Variants in ZNF664 observed in about 807,000 individuals in gnomAD.
ZNF664 encodes zinc finger protein 664, also known as zinc finger Organ of Corti 1.
In ZNF664, 10 loss-of-function variants were observed where a neutral mutation model predicts 18.2. That is an observed-to-expected ratio of 0.55 (90% CI 0.34 to 0.93). ZNF664 has a LOEUF of 0.93. ZNF664 is among the 40% of genes least tolerant of loss of function. ZNF664 has a pLI of 0.02. For missense variants in ZNF664, 193 were observed against 319.0 expected (o/e 0.61, Z 3.01); for synonymous variants, 119 against 104.2 (o/e 1.14, Z -0.86).
chr12:124,004,605 G>T (rs1163811502), intron 3 of ZNF664, among the ~76,000 whole-genome samples: 1 of 152,208 alleles, frequency 6.6e-6, no homozygotes, highest in Non-Finnish European at 1.5e-5. Flanking sequence ...GTGGGCCACA[G>T]ATGGGTACCA....
chr12:123,973,352 A>G lies in ZNF664; in HGVS notation c.-892A>G, dbSNP rs1010089264. 1.1e-6 allele frequency: 1 copy of G among 944,942 alleles called. No homozygotes were observed. The highest frequency in any genetic ancestry group is 1.2e-6 in the Non-Finnish European group (1 of 813,044). 58.5% of individuals were successfully genotyped at this position (944,942 alleles called of 1,614,324 possible). A position where few individuals can be genotyped will look rare whatever the true frequency, so the allele number is the denominator to read the frequency against. On this transcript the variant is annotated splice_region_variant and 5_prime_UTR_variant, in exon 1 of 5. Transcript: ENST00000337815. ...TGGGGCGCTGACTCCCCTCACTTGG[A>G]GTGAGTTCTCGGCGGCCGGGCTGCA... is the stretch of plus-strand genomic sequence containing the variant.
chr12:124,005,698 G>A (rs139785487), intron 3 of ZNF664, among the ~76,000 whole-genome samples: 1 of 152,280 alleles, frequency 6.6e-6, no homozygotes, highest in African/African-American at 2.4e-5. Context: ...TACAGCATCT[G>A]CCCTCCATCT....
intron 3 of ZNF664, among the ~76,000 whole-genome samples, chr12:123,992,673 A>G (rs1287051627): frequency 2.6e-5 from 4 of 152,182 alleles, no homozygotes; most frequent in African/African-American, 4.8e-5. Flanking sequence ...ATGACAGCCA[A>G]TGGGGCAGAG....
intron 2 of ZNF664, chr12:123,974,677 A>G (rs1373674196): frequency 6.6e-6 from 1 of 152,114 alleles, no homozygotes. Flanking sequence ...ATCCTTCTAG[A>G]TCTTTTGGAG....
rs1411763240 is a variant in ZNF664 at position 124,013,880 on chromosome 12, G to A, written c.*950G>A. 1 of 167,186 alleles carries A rather than the reference G, an allele frequency of 6.0e-6. No homozygotes were observed. The allele number at this position is 167,186 out of a possible 1,614,324, so 10.4% of individuals were successfully genotyped here. A position where few individuals can be genotyped will look rare whatever the true frequency, so the allele number is the denominator to read the frequency against. ...TGTAATCTTGGGCAATAATGCATAG[G>A]AGTTCTTGATACCCCTTCATTGATT... On this transcript the variant is annotated 3_prime_UTR_variant, in exon 5 of 5. Transcript: ENST00000337815.
chr12:123,986,113 C>T (rs1434643486), intron 2 of ZNF664, among the ~76,000 whole-genome samples: 5 of 142,254 alleles, frequency 3.5e-5, no homozygotes, highest in African/African-American at 1.3e-4. Context: ...GCATGTCTGG[C>T]GGGGGGCTGG....
chr12:123,977,469 A>AAAAC (rs1280728180), intron 2 of ZNF664, among the ~76,000 whole-genome samples: 2 of 151,598 alleles, frequency 1.3e-5, no homozygotes, highest in Non-Finnish European at 2.9e-5. Flanking sequence ...GGCCAAAAAA[A>AAAAC]AAAAAAAAAA....
At chr12:123,980,117 G>A (rs1243413077) in intron 2 of ZNF664, among the ~76,000 whole-genome samples, 1 of 152,176 alleles carries the variant, frequency 6.6e-6, no homozygotes, top group Non-Finnish European at 1.5e-5. Context: ...ATAATGAAGG[G>A]TGAGTGTGTG....
chr12:123,980,639 A>T (rs1166269956), intron 2 of ZNF664, among the ~76,000 whole-genome samples: 2 of 152,170 alleles, frequency 1.3e-5, no homozygotes, highest in African/African-American at 4.8e-5. Context: ...AATGCTTATG[A>T]TAGTGTTAAG....
chr12:123,982,251 G>C (rs1047921277), intron 2 of ZNF664, among the ~76,000 whole-genome samples: 8 of 152,202 alleles, frequency 5.3e-5, no homozygotes, highest in African/African-American at 1.7e-4. Context: ...AGGACAAGTG[G>C]AGAAAAGGTA....
At position 123,988,051 on chromosome 12, in the gene ZNF664, T is replaced by G; in HGVS notation, c.-748T>G. 1 of 1,231,550 alleles carries G rather than the reference T, an allele frequency of 8.1e-7. No individual in the cohort carries two copies. Among genetic ancestry groups the G allele is most frequent in the Non-Finnish European group, 1.0e-6 (1 of 987,810 alleles). 76.3% of individuals were successfully genotyped at this position (1,231,550 alleles called of 1,614,324 possible). On this transcript the variant is annotated 5_prime_UTR_variant, in exon 3 of 5. Transcript: ENST00000337815. ...GCATTTCTCCCATCCAGCAGGATCC[T>G]AAGGCCTTTGTAGTCCTTCAGCCAC...
At position 124,004,708 on chromosome 12, in the gene ZNF664, A is replaced by G. The variant is rs918957898; in HGVS notation, c.-660-6673A>G. 2.0e-5 allele frequency among the ~76,000 whole-genome samples: 3 copies of G among 152,088 alleles called. No individual in the cohort carries two copies. The East Asian group carries it at 5.8e-4, about 29-fold the overall frequency. The stretch of plus-strand genomic sequence containing the variant: ...CTTCATCTATTTATAGCTGCTCCCC[A>G]TTGCTTGCATTACCTCCTGAGCTCC... On this transcript the variant is annotated intron_variant, in intron 3 of 4. Transcript: ENST00000337815.
rs925357105 is a variant in ZNF664, at chr12:124,014,559, A to G, written c.*1629A>G. ...CTGTTTTCATTGATTTCCCACATGTAGTCCTTTTGCTCAGGAAGTCTTTGG... is the reference window on the plus strand; with the variant it reads ...CTGTTTTCATTGATTTCCCACATGTGGTCCTTTTGCTCAGGAAGTCTTTGG... On this transcript the variant is annotated 3_prime_UTR_variant, in exon 5 of 5. Coordinates refer to ENST00000337815, the MANE Select transcript of ZNF664 (RefSeq NM_152437.3). 1 of 167,048 alleles carries G rather than the reference A, an allele frequency of 6.0e-6. No homozygotes were observed. Among genetic ancestry groups the G allele is most frequent in the Non-Finnish European group, 1.5e-5 (1 of 68,114 alleles). 10.3% of individuals were successfully genotyped at this position (167,048 alleles called of 1,614,324 possible).
At chr12:123,976,108 T>C (rs1289808412) in intron 2 of ZNF664, among the ~76,000 whole-genome samples, 1 of 152,236 alleles carries the variant, frequency 6.6e-6, no homozygotes, top group African/African-American at 2.4e-5. Flanking sequence ...TCAACTTATT[T>C]TGTTCTCTTG....
Position 124,012,938 on chromosome 12 carries a change from T to C in ZNF664, c.*8T>C, listed in dbSNP as rs1364641986. ...AAAATATCAGTTATATAAAACGTTT[T>C]GCTAAGAGTTTAAAATCTTAAAACC... On this transcript the variant is annotated 3_prime_UTR_variant, in exon 5 of 5. Coordinates refer to ENST00000337815, the MANE Select transcript of ZNF664 (RefSeq NM_152437.3). The C allele has an allele frequency of 3.7e-6, 6 of 1,610,178 alleles. No individual in the cohort carries two copies. The highest frequency in any genetic ancestry group is 5.1e-6 in the Non-Finnish European group (6 of 1,178,718).
At chr12:124,008,819 A>G (rs1197486333) in intron 3 of ZNF664, among the ~76,000 whole-genome samples, 3 of 151,834 alleles carry the variant, frequency 2.0e-5, no homozygotes, top group Non-Finnish European at 2.9e-5. Context: ...TTCCTTTGGC[A>G]CGGCCCTCTT....
At chr12:124,002,674 A>G (rs562218420) in intron 3 of ZNF664, among the ~76,000 whole-genome samples, 98 of 152,188 alleles carry the variant, frequency 6.4e-4, no homozygotes, top group Non-Finnish European at 1.2e-3. Context: ...ATTAAGGACA[A>G]TGCATCTGGA....
rs1006260637 is a variant in ZNF664 at position 123,981,730 on chromosome 12, T to C, written c.-756-6313T>C. The stretch of plus-strand genomic sequence containing the variant: ...GATGTACTTGAGTTTGAAGGTCTTA[T>C]AGGACACATAGGTGTGTCACGAAGA... On this transcript the variant is annotated intron_variant, in intron 2 of 4. Transcript: ENST00000337815. 2.6e-5 allele frequency among the ~76,000 whole-genome samples: 4 copies of C among 152,262 alleles called. No homozygotes were observed. In the South Asian group the frequency reaches 8.3e-4, roughly 32 times the overall value.
chr12:123,990,463 G>T (rs1956876559), intron 3 of ZNF664, among the ~76,000 whole-genome samples: 1 of 151,990 alleles, frequency 6.6e-6, no homozygotes, highest in African/African-American at 2.4e-5. Context: ...CTTTTAGTTG[G>T]CTAGGCTGGG....
Sources: gnomAD v4.1 joint callset for allele counts (sites outside exome capture counted in the v4.1 genomes callset) on GRCh38, gnomAD v4.1.1 for gene constraint, MANE v1.5 for transcripts, NCBI Gene and HGNC (gene_info 2026-07-23, HGNC 2026-07-21) for gene names.